The following GRIK2 variants were observed in gnomAD, a reference collection of about 807,000 sequenced individuals.
GRIK2 encodes the protein glutamate ionotropic receptor kainate type subunit 2.
In GRIK2, 32 loss-of-function variants were observed where a neutral mutation model predicts 100.3. The observed-to-expected ratio is 0.32, with a 90% CI of 0.24 to 0.43. The LOEUF (loss-of-function observed/expected upper bound fraction) is 0.43. Ranked by LOEUF, GRIK2 falls within the 20% of genes least tolerant of loss-of-function variation. The probability of loss-of-function intolerance (pLI) is 1.00; values close to 1 mark genes in which losing one functional copy is unlikely to be tolerated. For synonymous variants in GRIK2, 417 were observed against 389.4 expected (o/e 1.07, Z -0.83); for missense variants, 843 against 1,114.9 (o/e 0.76, Z 3.47).
At chr6:101,713,603 CT>C (rs1350958248) in intron 7 of GRIK2, among the ~76,000 whole-genome samples, 1 of 151,802 alleles carries the variant, frequency 6.6e-6, no homozygotes, top group Non-Finnish European at 1.5e-5. Flanking sequence ...GAAGAAGCTA[CT>C]TTGACATTTC....
intron 14 of GRIK2, among the ~76,000 whole-genome samples, chr6:101,986,221 A>G (rs1794007442): frequency 6.6e-6 from 1 of 151,868 alleles, no homozygotes; most frequent in African/African-American, 2.4e-5. Flanking sequence ...AATCCCCCAA[A>G]TGTAGACTTA....
chr6:101,566,538 A>G (rs1477602526), intron 2 of GRIK2, among the ~76,000 whole-genome samples: 1 of 151,774 alleles, frequency 6.6e-6, no homozygotes, highest in Non-Finnish European at 1.5e-5. Flanking sequence ...TTGAATTTCA[A>G]GAAATTAGAA....
rs573544767 is a variant in GRIK2, at chr6:101,811,549, A to G, written c.1204-6821A>G. ...AATAAATTTAACTTTATTTGGAACT[A>G]ATATTTTTAAAACTAACTGGGAATG... On this transcript the variant is annotated intron_variant, in intron 9 of 16. Transcript: ENST00000369134. Among the ~76,000 whole-genome samples the G allele has an allele frequency of 7.9e-5, 12 of 152,116 alleles. No individual in the cohort carries two copies. The South Asian group carries it at 2.5e-3, about 32-fold the overall frequency.
intron 2 of GRIK2, among the ~76,000 whole-genome samples, chr6:101,564,445 C>T (rs1398079270): frequency 6.6e-6 from 1 of 152,144 alleles, no homozygotes; most frequent in Non-Finnish European, 1.5e-5. Context: ...AGTGTAACAT[C>T]AACTGAAATG....
intron 15 of GRIK2, among the ~76,000 whole-genome samples, chr6:102,044,363 AT>A (rs1262987398): frequency 1.3e-5 from 2 of 151,920 alleles, no homozygotes; most frequent in East Asian, 3.9e-4. Flanking sequence ...CTATCTTAAG[AT>A]TCCTGTATTA....
intron 7 of GRIK2, among the ~76,000 whole-genome samples, chr6:101,724,211 A>C (rs1211428286): frequency 6.6e-6 from 1 of 151,580 alleles, no homozygotes; most frequent in South Asian, 2.1e-4. Flanking sequence ...TTTATTTTAG[A>C]TTCAGGGGGT....
chr6:102,066,024 C>A, intron 16 of GRIK2: 4 of 606,550 alleles, frequency 6.6e-6, no homozygotes, highest in Non-Finnish European at 1.0e-5. Flanking sequence ...AATTGCAGAA[C>A]TGCATAATTT....
At chr6:101,706,682 A>G (rs2128356081) in intron 7 of GRIK2, among the ~76,000 whole-genome samples, 1 of 152,038 alleles carries the variant, frequency 6.6e-6, no homozygotes, top group South Asian at 2.1e-4. Flanking sequence ...AAAAAGTCTC[A>G]GACAACTATG....
At chr6:101,996,986 ATC>A (rs1344924276) in intron 14 of GRIK2, among the ~76,000 whole-genome samples, 1 of 152,092 alleles carries the variant, frequency 6.6e-6, no homozygotes, top group Non-Finnish European at 1.5e-5. Flanking sequence ...TGCTGATAAC[ATC>A]TGTTATTTGA....
intron 2 of GRIK2, among the ~76,000 whole-genome samples, chr6:101,410,433 T>G (rs767716970): frequency 1.3e-5 from 2 of 152,078 alleles, no homozygotes; most frequent in Non-Finnish European, 2.9e-5. Flanking sequence ...TTCTGGTGCT[T>G]ACTTTTTAAG....
At chr6:101,960,095 T>C (rs1792201094) in intron 14 of GRIK2, among the ~76,000 whole-genome samples, 1 of 150,294 alleles carries the variant, frequency 6.7e-6, no homozygotes. Flanking sequence ...AGAAGGCTTG[T>C]CTTTAAGCTC....
At chr6:101,873,509 A>T (rs1000264549) in intron 11 of GRIK2, among the ~76,000 whole-genome samples, 1 of 151,786 alleles carries the variant, frequency 6.6e-6, no homozygotes, top group African/African-American at 2.4e-5. Context: ...TGGACATTTG[A>T]GTTGGTTCCT....
chr6:101,932,011 A>G (rs1312393538), intron 14 of GRIK2, among the ~76,000 whole-genome samples: 1 of 152,088 alleles, frequency 6.6e-6, no homozygotes, highest in Non-Finnish European at 1.5e-5. Flanking sequence ...AAAGGCTAGG[A>G]GAATGGAAGC....
intron 7 of GRIK2, among the ~76,000 whole-genome samples, chr6:101,729,944 A>G (rs1173989877): frequency 2.6e-5 from 4 of 151,974 alleles, no homozygotes; most frequent in South Asian, 2.1e-4. Context: ...ATGAGTGGCA[A>G]TTAGTTGTTT....
intron 4 of GRIK2, among the ~76,000 whole-genome samples, chr6:101,628,598 G>A (rs1780568259): frequency 6.6e-6 from 1 of 151,970 alleles, no homozygotes; most frequent in Non-Finnish European, 1.5e-5. Flanking sequence ...TGATCCAAGG[G>A]ATCCTCAGTT....
At chr6:101,431,716 A>G (rs950004503) in intron 2 of GRIK2, among the ~76,000 whole-genome samples, 3 of 152,206 alleles carry the variant, frequency 2.0e-5, no homozygotes, top group African/African-American at 7.2e-5. Flanking sequence ...TGAAAAATGG[A>G]ATATTGGTTA....
At position 101,744,558 on chromosome 6, in the gene GRIK2, A is replaced by ATC. The variant is rs1554257130; in HGVS notation, c.952-55089_952-55088dup. 3.3e-4 allele frequency: 38 copies of ATC among 115,008 alleles called. 1 individual carries two copies. The highest frequency in any genetic ancestry group is 1.3e-3 in the African/African-American group (34 of 26,988). 7.1% of individuals were successfully genotyped at this position (115,008 alleles called of 1,614,324 possible). On this transcript the variant is annotated intron_variant, in intron 7 of 16. Transcript: ENST00000369134. ...TATATATATATATATATATATATAT[A>ATC]TCACAATTTCTTTTTCTTTTTCTTT...
intron 15 of GRIK2, among the ~76,000 whole-genome samples, chr6:102,053,890 T>C (rs767168414): frequency 6.6e-6 from 1 of 152,068 alleles, no homozygotes; most frequent in East Asian, 1.9e-4. Flanking sequence ...GTAGTATAAG[T>C]TGGGCTAATA....
At chr6:101,411,973 A>G (rs1350924298) in intron 2 of GRIK2, among the ~76,000 whole-genome samples, 1 of 152,056 alleles carries the variant, frequency 6.6e-6, no homozygotes, top group Non-Finnish European at 1.5e-5. Context: ...TCCAGCAGAC[A>G]TTTGCTGTAG....
Sources: gnomAD v4.1 joint callset for allele counts (sites outside exome capture counted in the v4.1 genomes callset) on GRCh38, gnomAD v4.1.1 for gene constraint, MANE v1.5 for transcripts, NCBI Gene and HGNC (gene_info 2026-07-23, HGNC 2026-07-21) for gene names.